The following ATOSA variants were observed in gnomAD, a reference collection of about 807,000 sequenced individuals.
ATOSA encodes atos homolog A.
At chr15:52,643,607 GAACT>G in the ATOSA span, among the ~76,000 whole-genome samples, 4 of 148,590 alleles carry the variant, frequency 2.7e-5, no homozygotes, top group African/African-American at 9.9e-5. Flanking sequence ...TTTTTTTTTG[GAACT>G]AACTTTTTAA....
At chr15:52,701,958 A>G in the ATOSA span, among the ~76,000 whole-genome samples, 1 of 152,168 alleles carries the variant, frequency 6.6e-6, no homozygotes, top group African/African-American at 2.4e-5. Context: ...ATTTTAAAAA[A>G]GAGAAGACAA....
At chr15:52,619,096 A>G in the ATOSA span, among the ~76,000 whole-genome samples, 1 of 152,222 alleles carries the variant, frequency 6.6e-6, no homozygotes, top group Non-Finnish European at 1.5e-5. Context: ...GGATTATACA[A>G]TGGTATTTTG....
At chr15:52,597,359 C>T in the ATOSA span, among the ~76,000 whole-genome samples, 6 of 152,050 alleles carry the variant, frequency 3.9e-5, no homozygotes, top group Admixed American at 1.3e-4. Context: ...TTAATAACCC[C>T]GAAGTGGTGA....
At chr15:52,653,810 C>T in the ATOSA span, among the ~76,000 whole-genome samples, 3 of 152,134 alleles carry the variant, frequency 2.0e-5, no homozygotes, top group African/African-American at 7.2e-5. Context: ...GTGCTTAAAA[C>T]GTAGGTACTA....
chr15:52,597,854 G>T, the ATOSA span, among the ~76,000 whole-genome samples: 4 of 152,212 alleles, frequency 2.6e-5, no homozygotes, highest in East Asian at 5.8e-4. Context: ...GCTAGGCGTG[G>T]TGGCTTATGC....
chr15:52,609,496 G>A, the ATOSA span: 1 of 1,613,826 alleles, frequency 6.2e-7, no homozygotes, highest in Admixed American at 1.7e-5. Flanking sequence ...GCCTATCAAA[G>A]GATTAGTCTC....
the ATOSA span, among the ~76,000 whole-genome samples, chr15:52,617,730 C>T: frequency 6.7e-6 from 1 of 148,654 alleles, no homozygotes; most frequent in Admixed American, 6.7e-5. Flanking sequence ...ATAGTCTCTA[C>T]TTTTGAATAA....
the ATOSA span, among the ~76,000 whole-genome samples, chr15:52,652,864 C>T: frequency 6.6e-6 from 1 of 152,094 alleles, no homozygotes; most frequent in African/African-American, 2.4e-5. Flanking sequence ...TTCAGTTTAC[C>T]AGTTCATACT....
chr15:52,643,845 G>A, the ATOSA span, among the ~76,000 whole-genome samples: 11 of 151,698 alleles, frequency 7.3e-5, no homozygotes, highest in South Asian at 2.1e-4. Flanking sequence ...CCCGGGAGGC[G>A]GAGGTTGCAG....
chr15:52,639,894 G>A, the ATOSA span, among the ~76,000 whole-genome samples: 1 of 151,502 alleles, frequency 6.6e-6, no homozygotes, highest in Non-Finnish European at 1.5e-5. Flanking sequence ...AGGATTACAG[G>A]CACCCGCCAC....
chr15:52,599,825 A>G, the ATOSA span, among the ~76,000 whole-genome samples: 1 of 152,094 alleles, frequency 6.6e-6, no homozygotes, highest in African/African-American at 2.4e-5. Context: ...CCTAGACCCA[A>G]TTTTACCAAG....
chr15:52,613,722 G>C, the ATOSA span: 1 of 1,613,926 alleles, frequency 6.2e-7, no homozygotes, highest in Non-Finnish European at 8.5e-7. Context: ...TGGGTAACAA[G>C]ACTGTGCTGG....
chr15:52,629,096 A>G, the ATOSA span, among the ~76,000 whole-genome samples: 1 of 152,242 alleles, frequency 6.6e-6, no homozygotes, highest in African/African-American at 2.4e-5. Context: ...TGGCTGCTTA[A>G]TAATCCAAAC....
chr15:52,629,006 A>G, the ATOSA span, among the ~76,000 whole-genome samples: 2 of 152,214 alleles, frequency 1.3e-5, no homozygotes, highest in African/African-American at 4.8e-5. Context: ...ATTAGCTGTC[A>G]TAACAAACAT....
the ATOSA span, chr15:52,593,444 A>G: frequency 1.8e-5 from 14 of 782,204 alleles, no homozygotes; most frequent in Non-Finnish European, 2.5e-5. Context: ...GTTGTGAGGT[A>G]ATATTTTGGC....
chr15:52,624,309 C>G, the ATOSA span, among the ~76,000 whole-genome samples: 8 of 152,196 alleles, frequency 5.3e-5, no homozygotes, highest in Admixed American at 4.6e-4. Context: ...TTCTGGACTG[C>G]CAATCTTTTC....
chr15:52,611,531 C>A, the ATOSA span: 1 of 1,581,218 alleles, frequency 6.3e-7, no homozygotes. Flanking sequence ...TAATGGAAAA[C>A]TTGATTTACC....
At chr15:52,613,557 A>T in the ATOSA span, 2 of 1,235,766 alleles carry the variant, frequency 1.6e-6, no homozygotes, top group African/African-American at 1.5e-5. Context: ...TCCCTTTATG[A>T]TTATGATCAA....
At chr15:52,691,235 T>C in the ATOSA span, among the ~76,000 whole-genome samples, 2 of 152,200 alleles carry the variant, frequency 1.3e-5, no homozygotes, top group African/African-American at 4.8e-5. Flanking sequence ...CAGGCTTTCT[T>C]TCCAAGATAC....
Sources: gnomAD v4.1 joint callset for allele counts (sites outside exome capture counted in the v4.1 genomes callset) on GRCh38, gnomAD v4.1.1 for gene constraint, MANE v1.5 for transcripts, NCBI Gene and HGNC (gene_info 2026-07-23, HGNC 2026-07-21) for gene names.